SETX: variants seen among roughly 807,000 people sequenced by gnomAD.
The protein encoded by SETX is senataxin.
A neutral mutation model predicts 227.2 loss-of-function variants in SETX; 90 were observed. The ratio of observed to expected loss-of-function variants is 0.40; its 90% CI spans 0.33 to 0.47. The LOEUF (loss-of-function observed/expected upper bound fraction) is 0.47. SETX is among the 20% of genes least tolerant of loss of function. The pLI is 0.91. For missense variants in SETX, 3,052 were observed against 3,181.5 expected, an observed-to-expected ratio of 0.96 and a Z score of 0.98; for synonymous variants, 1,210 against 1,113.2, an observed-to-expected ratio of 1.09 and a Z score of -1.73.
intron 25 of SETX, 39 bp downstream of exon 25, chr9:132,269,576 A>G (rs777688328): frequency 1.2e-6 from 2 of 1,612,016 alleles, no homozygotes; most frequent in Non-Finnish European, 1.7e-6. Flanking sequence ...ATCCAACAAC[A>G]GTAACAATGG....
At position 132,321,677 on chromosome 9, in the gene SETX, CA is replaced by C. The variant is rs1326460459; in HGVS notation, c.5274+4646del. ...CTCAAAAAAAAAAAAAAAAAAACTA[CA>C]AAAAAAAAAACCCACAAAAATTAGC... On this transcript the variant is annotated intron_variant, in intron 10 of 25. Coordinates refer to ENST00000224140, the MANE Select transcript of SETX (RefSeq NM_015046.7). Among the ~76,000 whole-genome samples, 691 of 79,088 alleles carry C rather than the reference CA, an allele frequency of 8.7e-3. 9 individuals carry two copies. The highest frequency in any genetic ancestry group is 0.021 in the African/African-American group (459 of 21,726). The allele number at this position is 79,088 out of a possible 152,430, so 51.9% of individuals were successfully genotyped here. A position where few individuals can be genotyped will look rare whatever the true frequency, so the allele number is the denominator to read the frequency against.
intron 25 of SETX, among the ~76,000 whole-genome samples, chr9:132,267,897 CCAT>C (rs1049719040): frequency 1.1e-4 from 16 of 152,232 alleles, no homozygotes; most frequent in Non-Finnish European, 7.3e-5. Flanking sequence ...CACATCAACA[CCAT>C]GAGGTGCCAA....
rs549115869 is a variant in SETX at position 132,350,357 on chromosome 9, A to G, written c.-7-922T>C. On this transcript the variant is annotated intron_variant, in intron 2 of 25. Transcript: ENST00000224140. Reference sequence around the variant, plus strand: ...AGAGTGAAACTCTGTCTCAAAACAAACAAACAAAAGAAACCTAAGTGAAGA... The same window carrying G: ...AGAGTGAAACTCTGTCTCAAAACAAGCAAACAAAAGAAACCTAAGTGAAGA... 7.2e-5 allele frequency among the ~76,000 whole-genome samples: 11 copies of G among 152,294 alleles called. No homozygotes were observed. In the South Asian group the frequency reaches 2.3e-3, roughly 32 times the overall value.
rs572901200 is a variant in SETX at position 132,353,186 on chromosome 9, G to A, written c.-8+463C>T. ...GCTGAGCTCAACACACACAAGGCCCGCGATGATCCAGCTTCCACATCATCT... is the reference window on the plus strand; with the variant it reads ...GCTGAGCTCAACACACACAAGGCCCACGATGATCCAGCTTCCACATCATCT... On this transcript the variant is annotated intron_variant, in intron 2 of 25. Transcript: ENST00000224140. 6.6e-5 allele frequency among the ~76,000 whole-genome samples: 10 copies of A among 152,198 alleles called. No homozygotes were observed. The South Asian group carries it at 2.1e-3, about 32-fold the overall frequency.
intron 20 of SETX, among the ~76,000 whole-genome samples, chr9:132,279,886 C>A (rs1713099590): frequency 6.6e-6 from 1 of 152,070 alleles, no homozygotes; most frequent in Non-Finnish European, 1.5e-5. Flanking sequence ...CAATTCTGCA[C>A]AGAATGATTT....
rs1844094288 is a variant in SETX at position 132,288,752 on chromosome 9, A to G, written c.6107-101T>C. ...TTTCTAAGTAAATATGTTAATAATC[A>G]GAGAAGGGAGCAAACATGAACTTCC... On this transcript the variant is annotated intron_variant, in intron 15 of 25. Transcript: ENST00000224140. 13 of 816,626 alleles carry G rather than the reference A, an allele frequency of 1.6e-5. No individual in the cohort carries two copies. The South Asian group carries it at 1.9e-4, about 12-fold the overall frequency. 50.6% of individuals were successfully genotyped at this position (816,626 alleles called of 1,614,324 possible). A position where few individuals can be genotyped will look rare whatever the true frequency, so the allele number is the denominator to read the frequency against.
At position 132,346,433 on chromosome 9, in the gene SETX, G is replaced by C. The variant is rs939285966; in HGVS notation, c.216C>G (p.His72Gln). ...TTTCTGCCTTCATGGATTTTTCAAA[G>C]TGATTTATGAGACGTAAGGTTTCTA... ...WELETLRLIN[H>Q]FEKSMKAEIG... The change falls in exon 4 of 26, where the codon CAC (histidine) becomes CAG (glutamine). Residue 72 changes from histidine to glutamine, a missense_variant. His to Gln is a conservative substitution (Grantham distance 24). Transcript: ENST00000224140. 7 of 1,613,344 alleles carry C rather than the reference G, an allele frequency of 4.3e-6. No individual in the cohort carries two copies. In the African/African-American group the frequency reaches 9.3e-5, roughly 22 times the overall value.
chr9:132,264,266 G>C lies in SETX; in HGVS notation c.8007C>G (p.Ser2669Arg). 6.2e-7 allele frequency: 1 copy of C among 1,614,152 alleles called. No individual in the cohort carries two copies. The highest frequency in any genetic ancestry group is 8.5e-7 in the Non-Finnish European group (1 of 1,180,036). ...ATAAAAGCTTTCTTTTCTTGGAACTGCTGTCCTCCTGCTCCAGTGTCCTCT... is the reference window on the plus strand; with the variant it reads ...ATAAAAGCTTTCTTTTCTTGGAACTCCTGTCCTCCTGCTCCAGTGTCCTCT... The part of the protein sequence containing the change: ...WDKRTLEQED[S>R]SSKKRKLL Residue 2669 changes from serine (S) to arginine (R), a missense_variant, in exon 26 of 26, where the codon AGC becomes AGG. Around this residue, in one of 10 missense-constraint regions of SETX, gnomAD observed 294 missense variants for 278.8 expected, o/e 1.05. Coordinates refer to ENST00000224140, the MANE Select transcript of SETX (RefSeq NM_015046.7).
chr9:132,330,595 CTTATT>C (rs1394999070), intron 9 of SETX, 96 bp from the exon 10 acceptor site: 3 of 1,064,256 alleles, frequency 2.8e-6, no homozygotes, highest in East Asian at 2.6e-5. Flanking sequence ...TCTCAACTCT[CTTATT>C]TTGGTTTACC....
chr9:132,314,877 A>AATT (rs201618792), intron 10 of SETX, among the ~76,000 whole-genome samples: 2,045 of 148,496 alleles, frequency 0.014, 52 homozygotes, highest in African/African-American at 0.048. Context: ...CTTTAAAAAA[A>AATT]ATTATTATTA....
intron 11 of SETX, among the ~76,000 whole-genome samples, chr9:132,302,925 T>C (rs1015402219): frequency 5.3e-5 from 8 of 152,206 alleles, no homozygotes; most frequent in Non-Finnish European, 1.0e-4. Flanking sequence ...CCGACAAATA[T>C]GCCAAGTTAT....
chr9:132,314,650 C>A (rs1376217288), intron 10 of SETX, among the ~76,000 whole-genome samples: 1 of 152,122 alleles, frequency 6.6e-6, no homozygotes, highest in East Asian at 1.9e-4. Flanking sequence ...TCCAGTTAGG[C>A]CTCATCTTCA....
rs770194093 is a variant in SETX at position 132,330,002 on chromosome 9, T to C, written c.1596A>G (p.Gln532=). Residue 532 remains glutamine, a synonymous_variant, in exon 10 of 26, where the codon CAA becomes CAG. Coordinates refer to ENST00000224140, the MANE Select transcript of SETX (RefSeq NM_015046.7). The stretch of plus-strand genomic sequence containing the variant: ...TTCTAATCAGCTGCACATAAGCAAG[T>C]TGTACAGAGTTAGATGGCATGGAAT... ...SLHSMPSNSV[Q]LAYVQLIRSL... is the part of the protein sequence containing the mutation. The C allele has an allele frequency of 9.9e-6, 16 of 1,613,996 alleles. No homozygotes were observed. Among genetic ancestry groups the C allele is most frequent in the African/African-American group, 5.3e-5 (4 of 74,928 alleles).
intron 5 of SETX, among the ~76,000 whole-genome samples, chr9:132,342,037 CT>C (rs1250319412): frequency 6.6e-6 from 1 of 152,082 alleles, no homozygotes; most frequent in African/African-American, 2.4e-5. Context: ...CATTACCATG[CT>C]TTTTTTAAAA....
chr9:132,307,335 T>C (rs1043691266), intron 11 of SETX, among the ~76,000 whole-genome samples: 3 of 139,360 alleles, frequency 2.2e-5, no homozygotes, highest in African/African-American at 8.6e-5. Context: ...CAGAGCTAAA[T>C]AAGTTTTTTT....
At chr9:132,308,881 C>T (rs10901157) in intron 11 of SETX, among the ~76,000 whole-genome samples, 38,013 of 151,958 alleles carry the variant, frequency 0.25, 6,045 homozygotes, top group East Asian at 0.67. Flanking sequence ...GGCGCCGTGG[C>T]TCACACCAGC....
chr9:132,344,363 G>A (rs370281367), intron 4 of SETX, among the ~76,000 whole-genome samples: 11 of 152,224 alleles, frequency 7.2e-5, no homozygotes, highest in African/African-American at 2.6e-4. Context: ...ACAGGCACAT[G>A]CCACTATATC....
At chr9:132,269,546 A>C in intron 25 of SETX, 69 bp downstream of exon 25, 1 of 1,610,284 alleles carries the variant, frequency 6.2e-7, no homozygotes, top group Non-Finnish European at 8.5e-7. Context: ...ACTTTGATGG[A>C]AAATAAGAAC....
chr9:132,277,069 C>T lies in SETX; in HGVS notation c.6926G>A (p.Arg2309Gln), dbSNP rs775185796. ...CAAGAGGAAAACATACTCATTATCCCGTCTTTCTGAACCATCTCCAACATC... is the reference window on the plus strand; with the variant it reads ...CAAGAGGAAAACATACTCATTATCCTGTCTTTCTGAACCATCTCCAACATC... ...VFDVGDGSER[R>Q]DNDSYINVQE... Residue 2309 changes from arginine (R) to glutamine (Q), a missense_variant, in exon 22 of 26, where the codon CGG becomes CAG. Arg to Gln is a conservative substitution (Grantham distance 43, BLOSUM62 1). This residue lies in a region of SETX where 412 missense variants were observed against 589.0 expected (regional missense o/e 0.70). Transcript: ENST00000224140. 6.2e-6 allele frequency: 10 copies of T among 1,613,414 alleles called. No homozygotes were observed. Among genetic ancestry groups the T allele is most frequent in the South Asian group, 2.2e-5 (2 of 91,072 alleles).
Sources: gnomAD v4.1 joint callset for allele counts (sites outside exome capture counted in the v4.1 genomes callset) on GRCh38, gnomAD v4.1.1 for gene constraint, gnomAD v4.1.1 regional missense constraint, MANE v1.5 for transcripts, NCBI Gene and HGNC (gene_info 2026-07-23, HGNC 2026-07-21) for gene names.